MMP26: variants seen among roughly 807,000 people sequenced by gnomAD.
MMP26 encodes the protein matrix metallopeptidase 26.
MMP26 carries 33 observed loss-of-function variants against 31.0 expected under a neutral mutation model. That is an observed-to-expected ratio of 1.06 (90% CI 0.81 to 1.42). The LOEUF is 1.42. MMP26 is among the 40% of genes most tolerant of loss of function. MMP26 has a pLI of 0.00. For missense variants in MMP26, 347 were observed against 316.1 expected, an observed-to-expected ratio of 1.10 and a Z score of -0.74; for synonymous variants, 122 against 114.9, an observed-to-expected ratio of 1.06 and a Z score of -0.40.
chr11:4,794,707 A>G (rs977813236), intron 2 of MMP26, among the ~76,000 whole-genome samples: 3 of 152,012 alleles, frequency 2.0e-5, no homozygotes, highest in African/African-American at 7.2e-5. Flanking sequence ...TCTAAGCTAA[A>G]CCCTTTGGTT....
intron 2 of MMP26, among the ~76,000 whole-genome samples, chr11:4,840,841 A>T (rs35530319): frequency 6.6e-6 from 1 of 152,194 alleles, no homozygotes; most frequent in African/African-American, 2.4e-5. Flanking sequence ...AATCCTGGAG[A>T]AACAGAGATA....
chr11:4,822,156 C>G (rs773346187), intron 2 of MMP26: 39 of 1,613,124 alleles, frequency 2.4e-5, no homozygotes, highest in Non-Finnish European at 3.3e-5. Flanking sequence ...CCTGCACATC[C>G]CACATCAGTG....
intron 1 of MMP26, among the ~76,000 whole-genome samples, chr11:4,731,849 T>G (rs973429475): frequency 1.3e-5 from 2 of 152,228 alleles, no homozygotes; most frequent in African/African-American, 4.8e-5. Context: ...CTATTCACTA[T>G]GGATGGATTT....
At chr11:4,764,802 G>A (rs1564903844) in intron 1 of MMP26, among the ~76,000 whole-genome samples, 1 of 152,180 alleles carries the variant, frequency 6.6e-6, no homozygotes, top group Non-Finnish European at 1.5e-5. Flanking sequence ...GAACCCGGGA[G>A]GTGGAGCTTG....
At chr11:4,941,042 A>G (rs1846198594) in intron 2 of MMP26, among the ~76,000 whole-genome samples, 1 of 113,758 alleles carries the variant, frequency 8.8e-6, no homozygotes, top group Non-Finnish European at 1.8e-5. Context: ...CCTTTTCCAC[A>G]TTTATTTAAA....
At chr11:4,714,071 C>A (rs563238569) in intron 1 of MMP26, among the ~76,000 whole-genome samples, 53 of 152,222 alleles carry the variant, frequency 3.5e-4, no homozygotes, top group African/African-American at 1.2e-3. Flanking sequence ...TAGAATACAT[C>A]CCCAGCTCCT....
intron 1 of MMP26, among the ~76,000 whole-genome samples, chr11:4,764,782 A>G (rs1192335888): frequency 6.6e-6 from 1 of 152,130 alleles, no homozygotes; most frequent in Admixed American, 6.5e-5. Flanking sequence ...CTGAGGCAGG[A>G]GAATGGCGTG....
intron 2 of MMP26, chr11:4,875,320 C>T (rs749433667): frequency 6.6e-6 from 1 of 152,104 alleles, no homozygotes; most frequent in South Asian, 2.1e-4. Flanking sequence ...AGCAACTCTT[C>T]TGTGGCTCCT....
rs779683964 is a variant in MMP26 at position 4,955,711 on chromosome 11, C to T, written c.-144-32357C>T. The T allele has an allele frequency of 2.6e-6, 4 of 1,562,262 alleles. No individual in the cohort carries two copies. In the South Asian group the frequency reaches 3.5e-5, roughly 14 times the overall value. The stretch of plus-strand genomic sequence containing the variant: ...CAACATATGATGTGTTGATAATGGA[C>T]ATGATTCATTCATAGGGCTCTGCTA... On this transcript the variant is annotated intron_variant, in intron 2 of 7. Coordinates refer to ENST00000380390, the MANE Select transcript of MMP26 (RefSeq NM_021801.5).
intron 2 of MMP26, among the ~76,000 whole-genome samples, chr11:4,898,809 A>C (rs1850751005): frequency 7.0e-6 from 1 of 143,450 alleles, no homozygotes; most frequent in Non-Finnish European, 1.5e-5. Flanking sequence ...AATTTAAGAA[A>C]TCTCTCTCTC....
chr11:4,798,527 G>A (rs542035724), intron 2 of MMP26, among the ~76,000 whole-genome samples: 1 of 152,352 alleles, frequency 6.6e-6, no homozygotes, highest in Admixed American at 6.5e-5. Flanking sequence ...CCATTGAACG[G>A]AAACATACTG....
At chr11:4,769,707 T>A (rs781216499) in intron 2 of MMP26, 4 of 1,613,222 alleles carry the variant, frequency 2.5e-6, no homozygotes, top group Non-Finnish European at 3.4e-6. Flanking sequence ...CCCAGATCAG[T>A]GGCTGATAGC....
intron 2 of MMP26, among the ~76,000 whole-genome samples, chr11:4,857,821 A>C (rs186918535): frequency 7.2e-4 from 110 of 152,218 alleles, no homozygotes; most frequent in Middle Eastern, 3.4e-3. Flanking sequence ...ATGCAAAAAT[A>C]CTCAATAAAA....
intron 1 of MMP26, among the ~76,000 whole-genome samples, chr11:4,751,211 C>T (rs1247918844): frequency 1.3e-5 from 2 of 152,076 alleles, no homozygotes; most frequent in African/African-American, 2.4e-5. Context: ...TAAGTATCTA[C>T]TATGTGAAAG....
chr11:4,943,629 C>T lies in MMP26; in HGVS notation c.-144-44439C>T, dbSNP rs1051910487. 3.8e-5 allele frequency: 14 copies of T among 369,518 alleles called. No individual in the cohort carries two copies. In the East Asian group the frequency reaches 7.4e-4, roughly 19 times the overall value. The allele number at this position is 369,518 out of a possible 1,614,324, so 22.9% of individuals were successfully genotyped here. A position where few individuals can be genotyped will look rare whatever the true frequency, so the allele number is the denominator to read the frequency against. On this transcript the variant is annotated intron_variant, in intron 2 of 7. Transcript: ENST00000380390. ...GTGACACACCCACACCCCCAGGTTG[C>T]AACAACCGAAGATGTCCCCAGACAT... is the stretch of plus-strand genomic sequence containing the variant.
chr11:4,874,745 G>T (rs1166534254), intron 2 of MMP26, among the ~76,000 whole-genome samples: 2 of 152,054 alleles, frequency 1.3e-5, no homozygotes, highest in Non-Finnish European at 2.9e-5. Flanking sequence ...TGCACATTTG[G>T]ATAAATGTTC....
intron 2 of MMP26, among the ~76,000 whole-genome samples, chr11:4,843,340 AG>A (rs1849822133): frequency 6.6e-6 from 1 of 152,218 alleles, no homozygotes; most frequent in South Asian, 2.1e-4. Flanking sequence ...CCCCTGCAGC[AG>A]ACTTCTGCCT....
chr11:4,887,250 A>C (rs1034102072), intron 2 of MMP26, among the ~76,000 whole-genome samples: 4 of 152,000 alleles, frequency 2.6e-5, no homozygotes, highest in Admixed American at 2.0e-4. Context: ...ATTTTATTGT[A>C]TGTTCTTCAG....
intron 1 of MMP26, among the ~76,000 whole-genome samples, chr11:4,726,820 A>G (rs1011341449): frequency 1.3e-5 from 2 of 152,182 alleles, no homozygotes; most frequent in African/African-American, 4.8e-5. Context: ...TAGCCTAAGC[A>G]GTATACTGAG....
Sources: gnomAD v4.1 joint callset for allele counts (sites outside exome capture counted in the v4.1 genomes callset) on GRCh38, gnomAD v4.1.1 for gene constraint, MANE v1.5 for transcripts, NCBI Gene and HGNC (gene_info 2026-07-23, HGNC 2026-07-21) for gene names.